WDFY3: variants seen among roughly 807,000 people sequenced by gnomAD.
The protein encoded by WDFY3 is WD repeat and FYVE domain containing 3, also known as WD repeat and FYVE domain-containing protein 3.
In WDFY3, 66 loss-of-function variants were observed where a neutral mutation model predicts 409.6. The ratio of observed to expected loss-of-function variants is 0.16; its 90% CI spans 0.13 to 0.20. The LOEUF is 0.20. Ranked by LOEUF, WDFY3 falls within the 10% of genes least tolerant of loss-of-function variation. The pLI is 1.00. For synonymous variants in WDFY3, 1,521 were observed against 1,537.1 expected (o/e 0.99, Z 0.25); for missense variants, 3,031 against 4,298.1 (o/e 0.71, Z 8.24).
chr4:84,908,941 T>TC (rs1767400263), intron 2 of WDFY3, among the ~76,000 whole-genome samples: 1 of 152,064 alleles, frequency 6.6e-6, no homozygotes, highest in South Asian at 2.1e-4. Flanking sequence ...GCCCACTGCA[T>TC]CTAAAGCAAG....
intron 5 of WDFY3, 148 bp from the exon 6 acceptor site, chr4:84,841,411 G>A (rs1757334889): frequency 3.1e-6 from 2 of 644,204 alleles, no homozygotes; most frequent in African/African-American, 3.8e-5. Context: ...AAATAGCAAT[G>A]TTTTAATGGT....
chr4:84,804,997 A>C (rs1254044243), intron 15 of WDFY3, among the ~76,000 whole-genome samples: 2 of 152,172 alleles, frequency 1.3e-5, no homozygotes, highest in Non-Finnish European at 2.9e-5. Context: ...CCAAAATCCA[A>C]AACTTTTTAA....
At chr4:84,724,776 A>AT (rs936792136) in intron 45 of WDFY3, among the ~76,000 whole-genome samples, 182 bp from the exon 46 acceptor site, 13 of 152,116 alleles carry the variant, frequency 8.5e-5, no homozygotes, top group African/African-American at 3.1e-4. Context: ...AATTCTATTG[A>AT]TTTTTTAAAA....
At chr4:84,752,390 C>T (rs748383488) in intron 35 of WDFY3, among the ~76,000 whole-genome samples, 44 of 152,006 alleles carry the variant, frequency 2.9e-4, no homozygotes, top group Non-Finnish European at 4.3e-4. Context: ...GTGGTCCATG[C>T]CTGTAATCTC....
intron 5 of WDFY3, among the ~76,000 whole-genome samples, chr4:84,845,580 C>T (rs1427434798): frequency 6.6e-6 from 1 of 151,632 alleles, no homozygotes; most frequent in Non-Finnish European, 1.5e-5. Flanking sequence ...ATATTAAGTG[C>T]TTTTTTTAAG....
At chr4:84,729,943 A>T (rs903623875) in intron 44 of WDFY3, among the ~76,000 whole-genome samples, 11 of 152,204 alleles carry the variant, frequency 7.2e-5, no homozygotes, top group East Asian at 1.9e-4. Context: ...TATCACAAAA[A>T]GTACTGACTA....
At position 84,677,199 on chromosome 4, in the gene WDFY3, T is replaced by C; in HGVS notation, c.10457A>G (p.Lys3486Arg). The change falls in exon 67 of 68, where the codon AAG becomes AGG. Residue 3486 changes from lysine (K) to arginine (R), a missense_variant and splice_region_variant. Lys to Arg is a conservative substitution (Grantham distance 26). Coordinates refer to ENST00000295888, the MANE Select transcript of WDFY3 (RefSeq NM_014991.6). ...CRNCGQLFCQ[K>R]CSRFQSEIKR... ...TCAAAAAGCAGATATCTTATCTTAC[T>C]TCTGGCAGAAGAGCTGACCACAGTT... 6.2e-7 allele frequency: 1 copy of C among 1,614,186 alleles called. No homozygotes were observed. The highest frequency in any genetic ancestry group is 1.1e-5 in the South Asian group (1 of 91,080).
chr4:84,808,509 T>A, intron 14 of WDFY3, 92 bp from the exon 15 acceptor site: 1 of 981,208 alleles, frequency 1.0e-6, no homozygotes, highest in Non-Finnish European at 1.6e-6. Flanking sequence ...GAAATGCCAG[T>A]AAAAGTTTAA....
At chr4:84,863,827 C>G (rs1247303729) in intron 3 of WDFY3, among the ~76,000 whole-genome samples, 1 of 152,080 alleles carries the variant, frequency 6.6e-6, no homozygotes, top group Non-Finnish European at 1.5e-5. Context: ...TTCTCAGAAC[C>G]CTTGTTGAAG....
rs533864876 is a variant in WDFY3 at position 84,907,102 on chromosome 4, T to C, written c.-131-10092A>G. On this transcript the variant is annotated intron_variant, in intron 2 of 67. Transcript: ENST00000295888. ...TTATTTCCATTTGGACAAAAGTATT[T>C]TGCAGAGAGAGAAAATAACCTATTT... 1.1e-3 allele frequency among the ~76,000 whole-genome samples: 175 copies of C among 152,288 alleles called. 3 individuals are homozygous for C. The highest frequency in any genetic ancestry group is 3.9e-3 in the African/African-American group (164 of 41,554).
intron 5 of WDFY3, among the ~76,000 whole-genome samples, chr4:84,843,539 T>C (rs1281542076): frequency 1.3e-5 from 2 of 152,070 alleles, no homozygotes; most frequent in Non-Finnish European, 2.9e-5. Context: ...GGACTAACAG[T>C]ATGCACCACC....
chr4:84,763,045 A>C (rs1015819759), intron 32 of WDFY3, among the ~76,000 whole-genome samples: 15 of 152,156 alleles, frequency 9.9e-5, no homozygotes, highest in African/African-American at 3.6e-4. Flanking sequence ...TTACATTGCA[A>C]GTCCTAAAAA....
At chr4:84,724,291 G>T in intron 46 of WDFY3, 135 bp downstream of exon 46, 1 of 960,338 alleles carries the variant, frequency 1.0e-6, no homozygotes, top group Non-Finnish European at 1.5e-6. Flanking sequence ...TCTTTAAGAA[G>T]GGTGAGATGG....
rs1028382705 is a variant in WDFY3, at chr4:84,811,161, T to C, written c.1888-817A>G. Among the ~76,000 whole-genome samples, 157 of 151,944 alleles carry C rather than the reference T, an allele frequency of 1.0e-3. 1 individual carries two copies. Among genetic ancestry groups the C allele is most frequent in the Non-Finnish European group, 5.0e-4 (34 of 67,956 alleles). On this transcript the variant is annotated intron_variant, in intron 13 of 67. Coordinates refer to ENST00000295888, the MANE Select transcript of WDFY3 (RefSeq NM_014991.6). ...TACAGGCACGCACCACTATGCCCAGTTAATTTTTTGTATTTTTAGTAGAGA... is the reference window on the plus strand; with the variant it reads ...TACAGGCACGCACCACTATGCCCAGCTAATTTTTTGTATTTTTAGTAGAGA...
intron 55 of WDFY3, 85 bp downstream of exon 55, chr4:84,704,253 A>AG: frequency 9.9e-7 from 1 of 1,011,826 alleles, no homozygotes; most frequent in South Asian, 2.1e-5. Context: ...TTCTTATAAT[A>AG]GAAGATAATG....
rs761017099 is a variant in WDFY3, at chr4:84,696,033, A to G, written c.8838T>C (p.Asn2946=). ...TTGTGGCTGTCTCCTTTAGTGGGTC[A>G]TTGATGTTGTAGATATCCACTTGAC... is the stretch of plus-strand genomic sequence containing the variant. ...YEGQVDIYNI[N]DPLKETATIG... is the part of the protein sequence containing the mutation. Residue 2946 remains asparagine, a synonymous_variant, in exon 58 of 68, where the codon AAT becomes AAC. Coordinates refer to ENST00000295888, the MANE Select transcript of WDFY3 (RefSeq NM_014991.6). 6 of 1,614,182 alleles carry G rather than the reference A, an allele frequency of 3.7e-6. No homozygotes were observed. Among genetic ancestry groups the G allele is most frequent in the Non-Finnish European group, 5.1e-6 (6 of 1,180,022 alleles).
chr4:84,818,403 T>C (rs1211577446), intron 12 of WDFY3, among the ~76,000 whole-genome samples: 1 of 152,174 alleles, frequency 6.6e-6, no homozygotes, highest in South Asian at 2.1e-4. Context: ...ATCTCTATTA[T>C]GGTTTATAAC....
Position 84,787,643 on chromosome 4 carries a change from G to A in WDFY3, c.3740C>T (p.Ala1247Val), listed in dbSNP as rs374377826. 8.1e-5 allele frequency: 131 copies of A among 1,614,022 alleles called. No homozygotes were observed. Among genetic ancestry groups the A allele is most frequent in the Non-Finnish European group, 1.1e-4 (124 of 1,180,016 alleles). The stretch of plus-strand genomic sequence containing the variant: ...TTGGGCAGGTGGAGTACCAATGTAG[G>A]CATAGACCGTGCTCACCACTGGTGG... Reference protein sequence around the residue: ...ANPPVVSTVYAYIGTPPAQRQ... With the variant: ...ANPPVVSTVYVYIGTPPAQRQ... Residue 1247 changes from alanine (A) to valine (V), a missense_variant, in exon 23 of 68, where the codon GCC (alanine) becomes GTC (valine). This residue lies in a region of WDFY3 where 1,322 missense variants were observed against 1,697.9 expected (regional missense o/e 0.78). Coordinates refer to ENST00000295888, the MANE Select transcript of WDFY3 (RefSeq NM_014991.6).
At chr4:84,880,672 T>TAC (rs1259663195) in intron 3 of WDFY3, among the ~76,000 whole-genome samples, 7 of 74,630 alleles carry the variant, frequency 9.4e-5, no homozygotes, top group Admixed American at 3.4e-4. Context: ...AAGGGAACCA[T>TAC]ACATATATAT....
Sources: gnomAD v4.1 joint callset for allele counts (sites outside exome capture counted in the v4.1 genomes callset) on GRCh38, gnomAD v4.1.1 for gene constraint, gnomAD v4.1.1 regional missense constraint, MANE v1.5 for transcripts, NCBI Gene and HGNC (gene_info 2026-07-23, HGNC 2026-07-21) for gene names.